Variants in PPM1E observed in about 807,000 individuals in gnomAD.
PPM1E encodes protein phosphatase 1E.
In PPM1E, 20 loss-of-function variants were observed where a neutral mutation model predicts 65.9. That is an observed-to-expected ratio of 0.30 (90% CI 0.21 to 0.44). The LOEUF is 0.44. PPM1E is among the 20% of genes least tolerant of loss of function. The pLI is 1.00. For synonymous variants in PPM1E, 352 were observed against 374.9 expected (o/e 0.94, Z 0.70); for missense variants, 713 against 953.1 (o/e 0.75, Z 3.32).
intron 1 of PPM1E, among the ~76,000 whole-genome samples, chr17:58,867,695 A>C (rs931356278): frequency 2.0e-5 from 3 of 152,248 alleles, no homozygotes; most frequent in Admixed American, 6.5e-5. Flanking sequence ...CTATGGCAAT[A>C]TAAATTGCAA....
intron 1 of PPM1E, among the ~76,000 whole-genome samples, chr17:58,861,447 T>C (rs2143302787): frequency 6.6e-6 from 1 of 152,334 alleles, no homozygotes; most frequent in East Asian, 1.9e-4. Flanking sequence ...TTCTTCTTCT[T>C]GTTGGCTCTG....
intron 1 of PPM1E, among the ~76,000 whole-genome samples, chr17:58,913,218 G>A (rs1407889112): frequency 6.6e-6 from 1 of 152,018 alleles, no homozygotes; most frequent in Non-Finnish European, 1.5e-5. Context: ...GCATTCAGTT[G>A]GTGTCTGCTG....
rs981244389 is a variant in PPM1E at position 58,983,849 on chromosome 17, G to A, written c.*2818G>A. 1 of 152,616 alleles carries A rather than the reference G, an allele frequency of 6.6e-6. No individual in the cohort carries two copies. Among genetic ancestry groups the A allele is most frequent in the East Asian group, 1.9e-4 (1 of 5,202 alleles). 9.5% of individuals were successfully genotyped at this position (152,616 alleles called of 1,614,324 possible). A position where few individuals can be genotyped will look rare whatever the true frequency, so the allele number is the denominator to read the frequency against. ...TAGTAAAATAAATCCAAACAAGAGT[G>A]TAATATTGGTTAGGGAAACAAACTT... On this transcript the variant is annotated 3_prime_UTR_variant, in exon 7 of 7. Transcript: ENST00000308249.
chr17:58,762,626 G>A (rs1203838601), intron 1 of PPM1E, among the ~76,000 whole-genome samples: 4 of 152,104 alleles, frequency 2.6e-5, no homozygotes, highest in Non-Finnish European at 4.4e-5. Context: ...GGCCGGGCGC[G>A]GTGGCTCACG....
intron 1 of PPM1E, among the ~76,000 whole-genome samples, chr17:58,782,244 G>A (rs765318913): frequency 6.6e-6 from 1 of 152,062 alleles, no homozygotes; most frequent in Non-Finnish European, 1.5e-5. Context: ...CAAAAAATAA[G>A]TAATCATGAC....
intron 1 of PPM1E, among the ~76,000 whole-genome samples, chr17:58,836,572 C>A (rs62083376): frequency 0.33 from 49,700 of 150,600 alleles, 8,709 homozygotes; most frequent in East Asian, 0.49. Flanking sequence ...TCAAGCGATT[C>A]TTTTGCCTCA....
At chr17:58,974,981 T>C (rs991479032) in intron 6 of PPM1E, among the ~76,000 whole-genome samples, 3 of 152,178 alleles carry the variant, frequency 2.0e-5, no homozygotes, top group Non-Finnish European at 4.4e-5. Flanking sequence ...AGGGGAAATG[T>C]CTCATTTCTA....
intron 1 of PPM1E, among the ~76,000 whole-genome samples, chr17:58,774,143 CAA>C (rs1275096254): frequency 4.0e-5 from 6 of 148,368 alleles, no homozygotes; most frequent in Admixed American, 2.7e-4. Context: ...GCCTGGGTGA[CAA>C]GAGGGAAACT....
Position 58,980,470 on chromosome 17 carries a change from C to T in PPM1E, c.1707C>T (p.Tyr569=). 1 of 1,614,118 alleles carries T rather than the reference C, an allele frequency of 6.2e-7. No homozygotes were observed. The highest frequency in any genetic ancestry group is 8.5e-7 in the Non-Finnish European group (1 of 1,180,034). ...TCAACGTGCTGGAAGACCCAGGCTA[C>T]CTAGATCTCACACAAATAGAAGCAA... The part of the protein sequence containing the change: ...SQINVLEDPG[Y]LDLTQIEASK... Residue 569 remains tyrosine, a synonymous_variant, in exon 7 of 7, where the codon TAC becomes TAT. Transcript: ENST00000308249. The surrounding 1 kb of genome is among the most constrained non-coding windows in gnomAD (Gnocchi z 4.7).
chr17:58,780,955 T>G (rs1319994599), intron 1 of PPM1E, among the ~76,000 whole-genome samples: 2 of 152,152 alleles, frequency 1.3e-5, no homozygotes, highest in Non-Finnish European at 2.9e-5. Context: ...AATAATTCTT[T>G]TAATTAGAAA....
At chr17:58,934,955 A>T (rs571286647) in intron 1 of PPM1E, among the ~76,000 whole-genome samples, 8 of 151,156 alleles carry the variant, frequency 5.3e-5, no homozygotes, top group Non-Finnish European at 7.4e-5. Context: ...AAATAATTTT[A>T]AAAATGGCTA....
intron 1 of PPM1E, among the ~76,000 whole-genome samples, chr17:58,942,213 A>C (rs2052082405): frequency 6.6e-6 from 1 of 151,734 alleles, no homozygotes; most frequent in Admixed American, 6.6e-5. Context: ...TAGTGAGACT[A>C]TGTCTCTAAA....
At chr17:58,978,195 A>C (rs1307540451) in intron 6 of PPM1E, among the ~76,000 whole-genome samples, 1 of 152,218 alleles carries the variant, frequency 6.6e-6, no homozygotes, top group Non-Finnish European at 1.5e-5. Flanking sequence ...TGTGTAGGTG[A>C]CAAGTAGAAG....
At chr17:58,893,865 G>A (rs2051378654) in intron 1 of PPM1E, among the ~76,000 whole-genome samples, 1 of 152,124 alleles carries the variant, frequency 6.6e-6, no homozygotes, top group Non-Finnish European at 1.5e-5. Context: ...GAAGCCAGGA[G>A]TTCAAGACCA....
chr17:58,927,961 G>A (rs1259845679), intron 1 of PPM1E, among the ~76,000 whole-genome samples: 1 of 152,026 alleles, frequency 6.6e-6, no homozygotes, highest in East Asian at 1.9e-4. Context: ...TCAGGAGGTT[G>A]AGGCAGGAAA....
At chr17:58,771,493 G>T (rs897211397) in intron 1 of PPM1E, among the ~76,000 whole-genome samples, 4 of 151,698 alleles carry the variant, frequency 2.6e-5, no homozygotes, top group Non-Finnish European at 4.4e-5. Context: ...ATGTGGTGAC[G>T]GGCGCCTGTT....
At chr17:58,807,021 C>G (rs771837377) in intron 1 of PPM1E, among the ~76,000 whole-genome samples, 2 of 151,808 alleles carry the variant, frequency 1.3e-5, no homozygotes, top group South Asian at 2.1e-4. Context: ...GTGTTTTCTA[C>G]TTCATACTCT....
intron 1 of PPM1E, among the ~76,000 whole-genome samples, chr17:58,872,168 G>A (rs757811027): frequency 3.3e-5 from 5 of 152,030 alleles, no homozygotes; most frequent in Admixed American, 1.3e-4. Context: ...ATGGTGGCAC[G>A]CACCTGTAAT....
intron 1 of PPM1E, among the ~76,000 whole-genome samples, chr17:58,843,512 T>A (rs1393934349): frequency 6.7e-6 from 1 of 150,324 alleles, no homozygotes; most frequent in Non-Finnish European, 1.5e-5. Flanking sequence ...AGATCCTGTC[T>A]AAAAAAAATA....
Sources: allele counts gnomAD v4.1 joint callset (sites outside exome capture counted in the v4.1 genomes callset), GRCh38; gene constraint gnomAD v4.1.1; non-coding constraint Gnocchi (gnomAD v3.1); transcripts MANE v1.5; gene names NCBI Gene and HGNC (gene_info 2026-07-23, HGNC 2026-07-21).